Variants in TCP11L2 observed in about 807,000 individuals in gnomAD.
TCP11L2 encodes T-complex protein 11-like protein 2.
A neutral mutation model predicts 50.7 loss-of-function variants in TCP11L2; 39 were observed. That is an observed-to-expected ratio of 0.77 (90% CI 0.60 to 1.01). The LOEUF (loss-of-function observed/expected upper bound fraction) is 1.01. Ranked by LOEUF, TCP11L2 falls within the 50% of genes least tolerant of loss-of-function variation. TCP11L2 has a pLI of 0.00. For synonymous variants in TCP11L2, 192 were observed against 219.3 expected (o/e 0.88, Z 1.10); for missense variants, 612 against 614.7 (o/e 1.00, Z 0.05).
At chr12:106,297,998 G>T (rs956458140), upstream of TCP11L2, among the ~76,000 whole-genome samples, 1 of 152,244 alleles carries the variant, frequency 6.6e-6, no homozygotes, top group Non-Finnish European at 1.5e-5. Flanking sequence ...CCAGGGTGGG[G>T]TGTAGGGAGC....
intron 9 of TCP11L2, among the ~76,000 whole-genome samples, chr12:106,343,620 G>T (rs1405018357): frequency 6.6e-6 from 1 of 151,606 alleles, no homozygotes; most frequent in East Asian, 1.9e-4. Flanking sequence ...AAAAATTATG[G>T]ATTACCTGCT....
intron 7 of TCP11L2, 61 bp downstream of exon 7, chr12:106,335,887 G>T: frequency 6.4e-7 from 1 of 1,574,504 alleles, no homozygotes; most frequent in Non-Finnish European, 8.6e-7. Context: ...TTCTAACTTT[G>T]AATCATCTGG....
chr12:106,306,473 G>T (rs2034637506), intron 1 of TCP11L2, among the ~76,000 whole-genome samples: 1 of 152,158 alleles, frequency 6.6e-6, no homozygotes, highest in African/African-American at 2.4e-5. Flanking sequence ...TTGGATAACA[G>T]ACAGTAGATT....
intron 1 of TCP11L2, chr12:106,303,582 T>G (rs983062815): frequency 1.3e-5 from 2 of 152,322 alleles, no homozygotes; most frequent in African/African-American, 2.4e-5. Flanking sequence ...GGGCCTGGGC[T>G]CGAACGCTGA....
intron 1 of TCP11L2, among the ~76,000 whole-genome samples, chr12:106,308,325 C>T (rs995141552): frequency 6.6e-5 from 10 of 152,308 alleles, no homozygotes; most frequent in Admixed American, 2.6e-4. Context: ...TAAAGTCACA[C>T]GGCACATTAA....
intron 4 of TCP11L2, 88 bp from the exon 5 acceptor site, chr12:106,321,398 A>G (rs777263079): frequency 5.9e-6 from 7 of 1,179,536 alleles, no homozygotes; most frequent in Non-Finnish European, 8.4e-6. Flanking sequence ...AATGTGGGCA[A>G]AGAGCTTGGT....
At chr12:106,314,589 G>C (rs2035007350) in intron 3 of TCP11L2, 96 bp downstream of exon 3, 1 of 1,004,784 alleles carries the variant, frequency 1.0e-6, no homozygotes, top group Non-Finnish European at 1.4e-6. Context: ...GAGAGAGAGA[G>C]AGAGAGAGAG....
chr12:106,299,879 G>C (rs1453104537), upstream of TCP11L2, among the ~76,000 whole-genome samples: 1 of 152,148 alleles, frequency 6.6e-6, no homozygotes, highest in African/African-American at 2.4e-5. Context: ...TTAGATTTTT[G>C]TCAATGATTT....
rs140790815 is a variant in TCP11L2 at position 106,306,941 on chromosome 12, A to G, written c.-36+4000A>G. Among the ~76,000 whole-genome samples the G allele has an allele frequency of 3.3e-3, 500 of 152,336 alleles. 5 individuals carry two copies. Among genetic ancestry groups the G allele is most frequent in the Non-Finnish European group, 5.1e-3 (350 of 68,038 alleles). ...CAGTGTATCTTTGCAATTCTGAACC[A>G]GTGCAGAACTATTTGCAGATAGAGT... is the stretch of plus-strand genomic sequence containing the variant. On this transcript the variant is annotated intron_variant, in intron 1 of 9. Transcript: ENST00000299045.
chr12:106,330,338 T>G, intron 6 of TCP11L2: 2 of 985,014 alleles, frequency 2.0e-6, no homozygotes, highest in Non-Finnish European at 2.4e-6. Context: ...TCCGTGGTTC[T>G]CAACGTGGTT....
intron 6 of TCP11L2, chr12:106,329,363 G>T (rs983548759): frequency 6.5e-7 from 1 of 1,535,982 alleles, no homozygotes; most frequent in African/African-American, 1.4e-5. Context: ...TCATGAGGCT[G>T]ACCTTGCTTT....
chr12:106,345,125 G>A (rs2036193230), intron 9 of TCP11L2, among the ~76,000 whole-genome samples: 2 of 152,080 alleles, frequency 1.3e-5, no homozygotes, highest in African/African-American at 2.4e-5. Context: ...CTCCTAAGTA[G>A]CTGGGACTAC....
chr12:106,345,705 G>C (rs2036209933), intron 9 of TCP11L2, among the ~76,000 whole-genome samples: 1 of 151,040 alleles, frequency 6.6e-6, no homozygotes, highest in Non-Finnish European at 1.5e-5. Context: ...CAAAACTCCT[G>C]AGCTTAAAAA....
intron 3 of TCP11L2, among the ~76,000 whole-genome samples, chr12:106,316,282 A>G (rs2035076494): frequency 6.6e-6 from 1 of 152,188 alleles, no homozygotes; most frequent in Admixed American, 6.5e-5. Context: ...TTTTTAAAGA[A>G]TGAGCTATAT....
chr12:106,342,793 C>T (rs1007174690), intron 9 of TCP11L2, among the ~76,000 whole-genome samples: 1 of 152,196 alleles, frequency 6.6e-6, no homozygotes, highest in African/African-American at 2.4e-5. Context: ...CCTAACTGCT[C>T]TGACTGGCAC....
intron 1 of TCP11L2, chr12:106,307,293 C>T (rs929466707): frequency 9.2e-5 from 14 of 152,172 alleles, no homozygotes; most frequent in Non-Finnish European, 1.6e-4. Flanking sequence ...GACCTGCTAT[C>T]GTGTTGGAGG....
At chr12:106,344,810 T>G (rs1322985699) in intron 9 of TCP11L2, among the ~76,000 whole-genome samples, 1 of 152,198 alleles carries the variant, frequency 6.6e-6, no homozygotes, top group Non-Finnish European at 1.5e-5. Context: ...TTAATAGTTG[T>G]CCTATACTAT....
intron 6 of TCP11L2, among the ~76,000 whole-genome samples, chr12:106,326,829 TG>T (rs1474687832): frequency 6.6e-6 from 1 of 152,236 alleles, no homozygotes; most frequent in Non-Finnish European, 1.5e-5. Flanking sequence ...TTTAGTCATC[TG>T]GATAGCCAGT....
Position 106,321,831 on chromosome 12 carries a change from C to A in TCP11L2, c.635+125C>A. Reference sequence around the variant, plus strand: ...ATAAATTACTGACCCTAGAAGAAAACCATATAAGCAGAGACCATGTCAATT... The same window carrying A: ...ATAAATTACTGACCCTAGAAGAAAAACATATAAGCAGAGACCATGTCAATT... On this transcript the variant is annotated intron_variant, in intron 5 of 9. Transcript: ENST00000299045. 6 of 738,340 alleles carry A rather than the reference C, an allele frequency of 8.1e-6. 1 individual carries two copies. Among genetic ancestry groups the A allele is most frequent in the Non-Finnish European group, 1.4e-5 (6 of 437,394 alleles). The allele number at this position is 738,340 out of a possible 1,614,324, so 45.7% of individuals were successfully genotyped here.
Sources: gnomAD v4.1 joint callset for allele counts (sites outside exome capture counted in the v4.1 genomes callset) on GRCh38, gnomAD v4.1.1 for gene constraint, MANE v1.5 for transcripts, NCBI Gene and HGNC (gene_info 2026-07-23, HGNC 2026-07-21) for gene names.